Variants in MSRB3 observed in about 807,000 individuals in gnomAD.
MSRB3 encodes the protein methionine-R-sulfoxide reductase B3.
MSRB3 carries 13 observed loss-of-function variants against 21.0 expected under a neutral mutation model. The observed-to-expected ratio is 0.62, with a 90% CI of 0.40 to 0.98. MSRB3 has a LOEUF of 0.98. MSRB3 is among the 50% of genes least tolerant of loss of function. The probability of loss-of-function intolerance (pLI) is 0.00; values close to 1 mark genes in which losing one functional copy is unlikely to be tolerated. For missense variants in MSRB3, 199 were observed against 230.3 expected, an observed-to-expected ratio of 0.86 and a Z score of 0.88; for synonymous variants, 87 against 88.6, an observed-to-expected ratio of 0.98 and a Z score of 0.10.
In MSRB3 at chr12:65,463,872, C is replaced by CT. The variant is rs1324179514; in HGVS notation, c.*553dup. On this transcript the variant is annotated 3_prime_UTR_variant, in exon 7 of 7. Transcript: ENST00000308259. ...CTGAAAGGGTGTGAAGGTCTAAAGT[C>CT]TTTCCTTATGTTAAATTGTTGCCAG... 4 of 155,232 alleles carry CT rather than the reference C, an allele frequency of 2.6e-5. No homozygotes were observed. Among genetic ancestry groups the CT allele is most frequent in the African/African-American group, 9.7e-5 (4 of 41,428 alleles). 9.6% of individuals were successfully genotyped at this position (155,232 alleles called of 1,614,324 possible).
intron 5 of MSRB3, among the ~76,000 whole-genome samples, chr12:65,390,919 C>T (rs907022486): frequency 6.6e-6 from 1 of 152,092 alleles, no homozygotes; most frequent in African/African-American, 2.4e-5. Context: ...TATATTAATT[C>T]CTAATCCTTC....
At chr12:65,327,343 G>A (rs1255955955) in intron 3 of MSRB3, among the ~76,000 whole-genome samples, 2 of 152,206 alleles carry the variant, frequency 1.3e-5, no homozygotes, top group African/African-American at 4.8e-5. Context: ...GCAAAAAGAA[G>A]GTAGCATAAT....
chr12:65,419,978 T>C, intron 5 of MSRB3: 1 of 568,156 alleles, frequency 1.8e-6, no homozygotes, highest in South Asian at 1.4e-5. Context: ...AGCCCAGGGA[T>C]GGGTAGGTAG....
At chr12:65,382,586 C>G (rs1878995872) in intron 5 of MSRB3, among the ~76,000 whole-genome samples, 1 of 151,660 alleles carries the variant, frequency 6.6e-6, no homozygotes, top group African/African-American at 2.4e-5. Flanking sequence ...TTCAATTATA[C>G]TACTTAGGAA....
intron 2 of MSRB3, among the ~76,000 whole-genome samples, chr12:65,319,134 T>TA (rs2136438755): frequency 1.3e-5 from 2 of 152,298 alleles, no homozygotes; most frequent in Non-Finnish European, 2.9e-5. Flanking sequence ...CCCCTTGACT[T>TA]ACAGTAAGAA....
intron 3 of MSRB3, among the ~76,000 whole-genome samples, chr12:65,327,309 A>G (rs568812024): frequency 3.9e-5 from 6 of 152,368 alleles, no homozygotes; most frequent in Admixed American, 1.3e-4. Context: ...GAAGGTGGCC[A>G]TTGTAAGTAT....
Position 65,463,725 on chromosome 12 carries a change from T to G in MSRB3, c.*403T>G, listed in dbSNP as rs1301747234. The G allele has an allele frequency of 4.4e-6, 1 of 226,140 alleles. No individual in the cohort carries two copies. Among genetic ancestry groups the G allele is most frequent in the Non-Finnish European group, 8.8e-6 (1 of 113,920 alleles). The allele number at this position is 226,140 out of a possible 1,614,324, so 14.0% of individuals were successfully genotyped here. The stretch of plus-strand genomic sequence containing the variant: ...CTGGGCAGTGCAGGGCATGGAGACC[T>G]GCAAGACACATGGCCTTGAGGCCTT... On this transcript the variant is annotated 3_prime_UTR_variant, in exon 7 of 7. Coordinates refer to ENST00000308259, the MANE Select transcript of MSRB3 (RefSeq NM_001031679.3).
At chr12:65,290,166 C>A (rs1254958490) in intron 1 of MSRB3, among the ~76,000 whole-genome samples, 1 of 151,728 alleles carries the variant, frequency 6.6e-6, no homozygotes. Context: ...ATAATAATAC[C>A]AACCACTTAC....
intron 5 of MSRB3, among the ~76,000 whole-genome samples, chr12:65,453,335 C>T (rs955074813): frequency 1.3e-5 from 2 of 152,128 alleles, no homozygotes; most frequent in Admixed American, 6.5e-5. Context: ...AACAGCCAGA[C>T]CAATTGATTG....
chr12:65,338,950 A>G (rs751954245), intron 4 of MSRB3, among the ~76,000 whole-genome samples: 32 of 152,072 alleles, frequency 2.1e-4, no homozygotes, highest in Non-Finnish European at 4.7e-4. Context: ...GGCGGCATGC[A>G]CCAGTAGTCC....
In MSRB3 at chr12:65,463,476, G is replaced by T; in HGVS notation, c.*154G>T. ...TTCTTTTGCTTAAACAGAAGCCCTG[G>T]CCATCCATGTATTTTGCAATTGACT... On this transcript the variant is annotated 3_prime_UTR_variant, in exon 7 of 7. Transcript: ENST00000308259. 1.1e-6 allele frequency: 1 copy of T among 895,756 alleles called. No homozygotes were observed. Among genetic ancestry groups the T allele is most frequent in the South Asian group, 1.8e-5 (1 of 56,548 alleles). The allele number at this position is 895,756 out of a possible 1,614,324, so 55.5% of individuals were successfully genotyped here.
intron 1 of MSRB3, among the ~76,000 whole-genome samples, chr12:65,287,821 T>C (rs1872460732): frequency 6.6e-6 from 1 of 152,136 alleles, no homozygotes. Flanking sequence ...CATTTACATA[T>C]TTGCATCCTT....
At chr12:65,407,337 T>C (rs540206282) in intron 5 of MSRB3, among the ~76,000 whole-genome samples, 26 of 143,184 alleles carry the variant, frequency 1.8e-4, no homozygotes, top group Non-Finnish European at 3.9e-4. Context: ...TGTCCTGGTA[T>C]GTTTTTTTTT....
At chr12:65,323,367 A>G (rs563098605) in intron 2 of MSRB3, among the ~76,000 whole-genome samples, 8 of 152,370 alleles carry the variant, frequency 5.3e-5, no homozygotes, top group African/African-American at 1.7e-4. Context: ...TCCTTGGACT[A>G]TGTTCAAGAT....
At chr12:65,332,477 G>A (rs1044246926) in intron 4 of MSRB3, among the ~76,000 whole-genome samples, 1 of 152,074 alleles carries the variant, frequency 6.6e-6, no homozygotes, top group Non-Finnish European at 1.5e-5. Context: ...ATCACACCGG[G>A]GCCTGTTGTG....
At chr12:65,344,125 A>G (rs979194906) in intron 4 of MSRB3, 2 of 152,142 alleles carry the variant, frequency 1.3e-5, no homozygotes, top group Non-Finnish European at 2.9e-5. Flanking sequence ...AATGTGAAGC[A>G]TTGATACTGA....
At chr12:65,334,226 A>T (rs2136461607) in intron 4 of MSRB3, among the ~76,000 whole-genome samples, 1 of 152,328 alleles carries the variant, frequency 6.6e-6, no homozygotes, top group South Asian at 2.1e-4. Context: ...AATAATGCTA[A>T]AACAATAGCT....
At chr12:65,439,453 T>C (rs530002653) in intron 5 of MSRB3, among the ~76,000 whole-genome samples, 4 of 151,684 alleles carry the variant, frequency 2.6e-5, no homozygotes, top group Non-Finnish European at 5.9e-5. Flanking sequence ...ATCTTTCAAA[T>C]AAAAAACATC....
Position 65,448,089 on chromosome 12 carries a change from T to A in MSRB3, c.293-5639T>A, listed in dbSNP as rs1475740683. On this transcript the variant is annotated intron_variant, in intron 5 of 6. Transcript: ENST00000308259. ...GTTTATTAGTTTTCAGCTCTTAGAATCTATAGAAAAGCACAGAAGACTTAA... is the reference window on the plus strand; with the variant it reads ...GTTTATTAGTTTTCAGCTCTTAGAAACTATAGAAAAGCACAGAAGACTTAA... Among the ~76,000 whole-genome samples the A allele has an allele frequency of 2.0e-5, 3 of 152,144 alleles. No individual in the cohort carries two copies. In the East Asian group the frequency reaches 5.8e-4, roughly 29 times the overall value.
Sources: allele counts gnomAD v4.1 joint callset (sites outside exome capture counted in the v4.1 genomes callset), GRCh38; gene constraint gnomAD v4.1.1; transcripts MANE v1.5; gene names NCBI Gene and HGNC (gene_info 2026-07-23, HGNC 2026-07-21).